The following SLC35F4 variants were observed in gnomAD, a reference collection of about 807,000 sequenced individuals.
SLC35F4 encodes the protein solute carrier family 35 member F4.
In SLC35F4, 24 loss-of-function variants were observed where a neutral mutation model predicts 44.2. The ratio of observed to expected loss-of-function variants is 0.54; its 90% CI spans 0.39 to 0.76. SLC35F4 has a LOEUF of 0.76. SLC35F4 is among the 30% of genes least tolerant of loss of function. The pLI is 0.00. For missense variants in SLC35F4, 562 were observed against 586.1 expected, an observed-to-expected ratio of 0.96 and a Z score of 0.42; for synonymous variants, 238 against 223.6, an observed-to-expected ratio of 1.06 and a Z score of -0.57.
At position 57,922,453 on chromosome 14, in the gene SLC35F4, G is replaced by A. The variant is rs538683565; in HGVS notation, n.282+59460C>T. Among the ~76,000 whole-genome samples, 5 of 152,324 alleles carry A rather than the reference G, an allele frequency of 3.3e-5. No homozygotes were observed. The East Asian group carries it at 9.7e-4, about 29-fold the overall frequency. On this transcript the variant is annotated intron_variant and non_coding_transcript_variant, in intron 1 of 1. Coordinates refer to the SLC35F4 transcript ENST00000556568. ...TACAACTACTACTAATTGATGGTGAGATGAAATCAACTAGCCATTTCTGCC... is the reference window on the plus strand; with the variant it reads ...TACAACTACTACTAATTGATGGTGAAATGAAATCAACTAGCCATTTCTGCC...
intron 1 of SLC35F4, among the ~76,000 whole-genome samples, chr14:57,816,399 G>A (rs1457368160): frequency 6.6e-6 from 1 of 152,098 alleles, no homozygotes; most frequent in Non-Finnish European, 1.5e-5. Context: ...TGCAGAAAAT[G>A]AACCTCCCTA....
At chr14:57,826,627 T>A (rs1456893598) in intron 1 of SLC35F4, among the ~76,000 whole-genome samples, 1 of 151,606 alleles carries the variant, frequency 6.6e-6, no homozygotes, top group Non-Finnish European at 1.5e-5. Flanking sequence ...AAAGGTCTAA[T>A]ATCCAGAGTC....
At chr14:57,781,159 G>A (rs780248127) in intron 1 of SLC35F4, among the ~76,000 whole-genome samples, 1 of 151,820 alleles carries the variant, frequency 6.6e-6, no homozygotes, top group African/African-American at 2.4e-5. Context: ...ATATTTGCAA[G>A]CAATGCATCT....
chr14:57,695,717 C>T (rs2075364219), intron 1 of SLC35F4, among the ~76,000 whole-genome samples: 1 of 152,168 alleles, frequency 6.6e-6, no homozygotes, highest in Non-Finnish European at 1.5e-5. Context: ...AAGACACATG[C>T]ACACGCATGT....
chr14:57,883,324 A>T (rs180783680), intron 1 of SLC35F4, among the ~76,000 whole-genome samples: 10 of 152,348 alleles, frequency 6.6e-5, no homozygotes, highest in Admixed American at 1.3e-4. Context: ...TTTGCAAAAC[A>T]TTACTGTCAC....
At chr14:57,777,553 C>A (rs1435473632) in intron 1 of SLC35F4, among the ~76,000 whole-genome samples, 1 of 151,942 alleles carries the variant, frequency 6.6e-6, no homozygotes, top group African/African-American at 2.4e-5. Flanking sequence ...TGCATGTTCT[C>A]ACTCATAGGT....
intron 1 of SLC35F4, among the ~76,000 whole-genome samples, chr14:57,713,476 A>G (rs765286469): frequency 2.6e-5 from 4 of 152,136 alleles, no homozygotes; most frequent in Non-Finnish European, 5.9e-5. Flanking sequence ...AATACACACT[A>G]TGCTAGTTCA....
At chr14:57,839,367 C>T (rs1018526990) in intron 1 of SLC35F4, among the ~76,000 whole-genome samples, 4 of 152,160 alleles carry the variant, frequency 2.6e-5, no homozygotes, top group African/African-American at 9.7e-5. Flanking sequence ...TAAAAATGTG[C>T]ACACATATAC....
At chr14:57,570,041 C>T (rs2068416706) in intron 5 of SLC35F4, 61 bp from the exon 6 acceptor site, 1 of 1,464,578 alleles carries the variant, frequency 6.8e-7, no homozygotes, top group Non-Finnish European at 9.1e-7. Context: ...AAACGTAAGT[C>T]TTACTGTTCC....
chr14:57,920,186 A>T (rs1300684127), intron 1 of SLC35F4, among the ~76,000 whole-genome samples: 1 of 152,250 alleles, frequency 6.6e-6, no homozygotes, highest in Non-Finnish European at 1.5e-5. Context: ...ATTGAATTAC[A>T]GTGCTGCCAG....
At chr14:57,595,289 A>G (rs1370181971) in intron 1 of SLC35F4, among the ~76,000 whole-genome samples, 1 of 152,354 alleles carries the variant, frequency 6.6e-6, no homozygotes, top group Admixed American at 6.5e-5. Flanking sequence ...TTTTTCAGGA[A>G]GAACACCACA....
chr14:57,595,703 T>C (rs1400077778), intron 1 of SLC35F4: 2 of 152,244 alleles, frequency 1.3e-5, no homozygotes, highest in African/African-American at 4.8e-5. Context: ...GCTTTGGCCA[T>C]GGCGAGCTCT....
chr14:57,660,569 G>A (rs541505044), intron 1 of SLC35F4, among the ~76,000 whole-genome samples: 2 of 150,184 alleles, frequency 1.3e-5, no homozygotes, highest in African/African-American at 4.9e-5. Flanking sequence ...CACAGAGGAG[G>A]AGACCACGTG....
chr14:57,869,911 T>C (rs2141026294), upstream of SLC35F4, among the ~76,000 whole-genome samples: 1 of 152,258 alleles, frequency 6.6e-6, no homozygotes, highest in African/African-American at 2.4e-5. Context: ...TAGTAGGCAA[T>C]GGCAGACATT....
chr14:57,829,886 C>T (rs577770013), intron 1 of SLC35F4, among the ~76,000 whole-genome samples: 1 of 152,116 alleles, frequency 6.6e-6, no homozygotes, highest in East Asian at 1.9e-4. Flanking sequence ...ATTTTATAAG[C>T]AATGGGAAAT....
chr14:57,879,084 G>A (rs1888463286), intron 1 of SLC35F4, among the ~76,000 whole-genome samples: 1 of 152,114 alleles, frequency 6.6e-6, no homozygotes, highest in South Asian at 2.1e-4. Context: ...GAACATATGG[G>A]TAATTGCGGC....
intron 1 of SLC35F4, among the ~76,000 whole-genome samples, chr14:57,841,037 C>A (rs565761154): frequency 8.3e-4 from 126 of 152,284 alleles, no homozygotes; most frequent in Non-Finnish European, 1.5e-3. Flanking sequence ...AGCCCCTTAT[C>A]CCCATGGAGC....
intron 1 of SLC35F4, among the ~76,000 whole-genome samples, chr14:57,912,833 C>A (rs1889243152): frequency 6.6e-6 from 1 of 152,028 alleles, no homozygotes; most frequent in African/African-American, 2.4e-5. Context: ...AATTTTCAGC[C>A]TGCTGGATCT....
At chr14:57,598,306 G>A (rs1341654625) in intron 1 of SLC35F4, among the ~76,000 whole-genome samples, 1 of 152,178 alleles carries the variant, frequency 6.6e-6, no homozygotes, top group Non-Finnish European at 1.5e-5. Context: ...CTGGAGAAAG[G>A]AACTTGAATA....
Sources: gnomAD v4.1 joint callset for allele counts (sites outside exome capture counted in the v4.1 genomes callset) on GRCh38, gnomAD v4.1.1 for gene constraint, MANE v1.5 for transcripts, NCBI Gene and HGNC (gene_info 2026-07-23, HGNC 2026-07-21) for gene names.